The following GALK1 variants were observed in gnomAD, a reference collection of about 807,000 sequenced individuals.
The protein encoded by GALK1 is galactokinase 1, also known as galactokinase.
GALK1 carries 30 observed loss-of-function variants against 38.6 expected under a neutral mutation model. The observed-to-expected ratio is 0.78, with a 90% CI of 0.58 to 1.05. The LOEUF (loss-of-function observed/expected upper bound fraction) is 1.05. Among genes scored for constraint, GALK1 ranks in the 50% least tolerant of loss-of-function variants. The probability of loss-of-function intolerance (pLI) is 0.00; values close to 1 mark genes in which losing one functional copy is unlikely to be tolerated. For missense variants in GALK1, 512 were observed against 540.5 expected (o/e 0.95, Z 0.52); for synonymous variants, 240 against 233.6 (o/e 1.03, Z -0.25).
chr17:75,754,530 G>C (rs572186171), downstream of GALK1: 3 of 1,611,702 alleles, frequency 1.9e-6, no homozygotes, highest in Non-Finnish European at 2.5e-6. Flanking sequence ...CACGGGGCCC[G>C]GGTCTGGGGC....
At chr17:75,764,121 G>A (rs2061600387) in intron 1 of GALK1, 35 bp from the exon 2 acceptor site, 4 of 1,536,014 alleles carry the variant, frequency 2.6e-6, no homozygotes, top group Admixed American at 1.9e-5. Flanking sequence ...TGAGGCTTCC[G>A]CCAGCTGGAG....
downstream of GALK1, chr17:75,755,010 A>C: frequency 6.3e-7 from 1 of 1,579,006 alleles, no homozygotes; most frequent in Non-Finnish European, 8.6e-7. Flanking sequence ...ACACACATGC[A>C]TGCACACTCC....
downstream of GALK1, chr17:75,755,028 TCTCA>T (rs751314691): frequency 2.2e-5 from 35 of 1,586,998 alleles, no homozygotes; most frequent in African/African-American, 4.0e-5. Flanking sequence ...TCCCTGCTCC[TCTCA>T]CTCTTGTTTT....
chr17:75,759,210 C>T (rs534280830), intron 5 of GALK1, among the ~76,000 whole-genome samples: 91 of 152,152 alleles, frequency 6.0e-4, no homozygotes, highest in African/African-American at 2.0e-3. Flanking sequence ...GGCAGATTGC[C>T]TGAGGTCAGG....
downstream of GALK1, chr17:75,754,930 G>GCATGCACA: frequency 1.3e-6 from 2 of 1,548,526 alleles, no homozygotes; most frequent in East Asian, 4.5e-5. Context: ...ATACACACAC[G>GCATGCACA]CATGCACACA....
chr17:75,754,009 C>T (rs960187529), downstream of GALK1: 29 of 984,328 alleles, frequency 2.9e-5, no homozygotes, highest in African/African-American at 4.4e-4. Flanking sequence ...CGATCCGCGC[C>T]CACCCAGCCT....
chr17:75,759,256 C>T lies in GALK1; in HGVS notation c.794-657G>A, dbSNP rs8073866. The stretch of plus-strand genomic sequence containing the variant: ...CAGCCTGGCCAACATGGCGAAACCC[C>T]GTCTCTACTAAAAATACAAAAGTTA... On this transcript the variant is annotated intron_variant, in intron 5 of 7. Transcript: ENST00000588479. 3.9e-5 allele frequency among the ~76,000 whole-genome samples: 6 copies of T among 152,094 alleles called. No individual in the cohort carries two copies. In the South Asian group the frequency reaches 6.2e-4, roughly 16 times the overall value.
At chr17:75,752,252 C>G in intron 8 of GALK1, 3 of 1,613,616 alleles carry the variant, frequency 1.9e-6, no homozygotes, top group Non-Finnish European at 2.5e-6. Context: ...CTTCGGGAGT[C>G]CCAGCCCTAC....
chr17:75,758,595 G>T lies in GALK1; in HGVS notation c.798C>A (p.Ala266=). The change falls in exon 6 of 8, where the codon GCC becomes GCA. Residue 266 remains alanine (A), a synonymous_variant. Transcript: ENST00000588479. ...REVQLEELEA[A]RDLVSKEGFR... ...AGCCCTCTTTGCTCACCAGGTCCCT[G>T]GCAGCTGGGGAGGAAAGAGGAGTCA... 6.3e-7 allele frequency: 1 copy of T among 1,591,548 alleles called. No individual in the cohort carries two copies.
chr17:75,765,139 C>A lies in GALK1; in HGVS notation c.-3G>T. The A allele has an allele frequency of 6.4e-7, 1 of 1,557,424 alleles. No individual in the cohort carries two copies. The highest frequency in any genetic ancestry group is 8.7e-7 in the Non-Finnish European group (1 of 1,153,636). On this transcript the variant is annotated 5_prime_UTR_variant, in exon 1 of 8. Coordinates refer to ENST00000588479, the MANE Select transcript of GALK1 (RefSeq NM_000154.2). The stretch of plus-strand genomic sequence containing the variant: ...TGGGGCTGTCTCAAAGCAGCCATGA[C>A]GCGCGCCTGCAGCTCTGCACAGCTG...
chr17:75,757,860 C>G (rs2061557043), downstream of GALK1: 1 of 702,134 alleles, frequency 1.4e-6, no homozygotes, highest in African/African-American at 1.8e-5. Flanking sequence ...AGAGGTGCTC[C>G]CCTAGGGTAG....
intron 1 of GALK1, chr17:75,764,332 G>T (rs1476760430): frequency 1.4e-6 from 1 of 740,614 alleles, no homozygotes; most frequent in African/African-American, 1.7e-5. Context: ...TGAGCTGTGG[G>T]GCAAGGGGGA....
In GALK1 at chr17:75,758,147, G is replaced by A. The variant is rs755750574; in HGVS notation, c.1108-20C>T. ...GTGCTCCTGTAAGAGGCGGGCTGGG[G>A]GTGAGTGGCAGGGCCCCGGGAAGCT... On this transcript the variant is annotated intron_variant, in intron 7 of 7. Coordinates refer to ENST00000588479, the MANE Select transcript of GALK1 (RefSeq NM_000154.2). 4.3e-6 allele frequency: 7 copies of A among 1,612,292 alleles called. No homozygotes were observed. Among genetic ancestry groups the A allele is most frequent in the South Asian group, 1.1e-5 (1 of 91,044 alleles).
downstream of GALK1, chr17:75,754,862 C>T: frequency 1.2e-6 from 2 of 1,612,980 alleles, no homozygotes; most frequent in Non-Finnish European, 1.7e-6. Flanking sequence ...CCCTTCCTCT[C>T]TTCCAGCTCC....
rs1325878350 is a variant in GALK1 at position 75,764,980 on chromosome 17, G to A, written c.157C>T (p.Leu53=). The A allele has an allele frequency of 2.5e-6, 4 of 1,608,902 alleles. No individual in the cohort carries two copies. Among genetic ancestry groups the A allele is most frequent in the Non-Finnish European group, 2.5e-6 (3 of 1,178,244 alleles). The stretch of plus-strand genomic sequence containing the variant: ...CCCGTGCAGCCCCTCACCATAGGCA[G>A]CACCAGGCCCTGGTTGTAGTCCGTG... The part of the protein sequence containing the change: ...EHTDYNQGLV[L]PMALELMTVL... The change falls in exon 1 of 8, where the codon CTG becomes TTG. Residue 53 remains leucine (L), a synonymous_variant. Coordinates refer to ENST00000588479, the MANE Select transcript of GALK1 (RefSeq NM_000154.2).
intron 5 of GALK1, among the ~76,000 whole-genome samples, chr17:75,760,200 C>A (rs1428202286): frequency 6.6e-6 from 1 of 151,870 alleles, no homozygotes; most frequent in East Asian, 1.9e-4. Flanking sequence ...CTCAATTGAT[C>A]CTCCCACCCC....
rs1291460083 is a variant in GALK1 at position 75,764,803 on chromosome 17, T to G, written c.165+169A>C. 4 of 738,244 alleles carry G rather than the reference T, an allele frequency of 5.4e-6. No individual in the cohort carries two copies. The African/African-American group carries it at 7.0e-5, about 13-fold the overall frequency. 45.7% of individuals were successfully genotyped at this position (738,244 alleles called of 1,614,324 possible). A position where few individuals can be genotyped will look rare whatever the true frequency, so the allele number is the denominator to read the frequency against. ...CTTCCTCGCTTCCTCCCTTCCAACG[T>G]GGGGAACAGCCTGTCCCGGGGACTC... On this transcript the variant is annotated intron_variant, in intron 1 of 7. Coordinates refer to ENST00000588479, the MANE Select transcript of GALK1 (RefSeq NM_000154.2).
chr17:75,762,916 G>C, intron 4 of GALK1, 31 bp from the exon 5 acceptor site: 1 of 1,611,486 alleles, frequency 6.2e-7, no homozygotes, highest in Non-Finnish European at 8.5e-7. Context: ...GGGAGATGAC[G>C]AGGCCAAGCG....
intron 5 of GALK1, among the ~76,000 whole-genome samples, chr17:75,759,427 CAAAAAA>C (rs10624000): frequency 7.0e-6 from 1 of 143,420 alleles, no homozygotes; most frequent in East Asian, 2.0e-4. Flanking sequence ...GGCTCCCTCT[CAAAAAA>C]AAAGAAAGAA....
Sources: allele counts gnomAD v4.1 joint callset (sites outside exome capture counted in the v4.1 genomes callset), GRCh38; gene constraint gnomAD v4.1.1; transcripts MANE v1.5; gene names NCBI Gene and HGNC (gene_info 2026-07-23, HGNC 2026-07-21).